CADPS2: variants seen among roughly 807,000 people sequenced by gnomAD.
CADPS2 encodes calcium-dependent secretion activator 2.
In CADPS2, 93 loss-of-function variants were observed where a neutral mutation model predicts 172.5. That is an observed-to-expected ratio of 0.54 (90% CI 0.46 to 0.64). The LOEUF is 0.64. Among genes scored for constraint, CADPS2 ranks in the 30% least tolerant of loss-of-function variants. The probability of loss-of-function intolerance (pLI) is 0.00; values close to 1 mark genes in which losing one functional copy is unlikely to be tolerated. For missense variants in CADPS2, 1,420 were observed against 1,565.9 expected (o/e 0.91, Z 1.57); for synonymous variants, 546 against 555.2 (o/e 0.98, Z 0.23).
At chr7:122,447,515 C>A (rs923739725) in intron 15 of CADPS2, among the ~76,000 whole-genome samples, 1 of 140,100 alleles carries the variant, frequency 7.1e-6, no homozygotes, top group Non-Finnish European at 1.6e-5. Flanking sequence ...ACCTTTCTCT[C>A]TCCCATGTTG....
At chr7:122,422,524 A>C (rs753921108) in intron 17 of CADPS2, among the ~76,000 whole-genome samples, 2 of 152,146 alleles carry the variant, frequency 1.3e-5, no homozygotes, top group African/African-American at 2.4e-5. Flanking sequence ...AATATAAAGC[A>C]ACATTACATT....
intron 29 of CADPS2, among the ~76,000 whole-genome samples, chr7:122,324,698 A>C (rs1399558489): frequency 2.0e-5 from 3 of 152,176 alleles, no homozygotes. Flanking sequence ...TCTTTTGTTT[A>C]AATAAATAGG....
At chr7:122,848,000 T>C (rs1345028902) in intron 1 of CADPS2, among the ~76,000 whole-genome samples, 2 of 152,244 alleles carry the variant, frequency 1.3e-5, no homozygotes, top group Non-Finnish European at 2.9e-5. Flanking sequence ...AGCAACTGCA[T>C]GGTGATTTGC....
chr7:122,360,373 C>T (rs1281117078), intron 27 of CADPS2, among the ~76,000 whole-genome samples: 1 of 152,158 alleles, frequency 6.6e-6, no homozygotes, highest in Non-Finnish European at 1.5e-5. Flanking sequence ...TTATATAACA[C>T]TTGTGTATTT....
chr7:122,476,457 G>C (rs918610668), intron 12 of CADPS2, among the ~76,000 whole-genome samples: 28 of 151,950 alleles, frequency 1.8e-4, no homozygotes, highest in African/African-American at 6.8e-4. Context: ...TCTGAAAAAC[G>C]ATCTATAGTT....
intron 24 of CADPS2, chr7:122,386,329 G>A: frequency 6.6e-6 from 9 of 1,369,944 alleles, no homozygotes; most frequent in East Asian, 5.5e-5. Context: ...GCCATGGGTG[G>A]AAAAAAAAAG....
chr7:122,777,640 A>G (rs2093925985), intron 1 of CADPS2, among the ~76,000 whole-genome samples: 1 of 152,100 alleles, frequency 6.6e-6, no homozygotes, highest in Non-Finnish European at 1.5e-5. Context: ...TGCTATTCTC[A>G]TGATAGTGAG....
rs138857083 is a variant in CADPS2 at position 122,690,314 on chromosome 7, C to G, written c.454-26745G>C. 5.0e-3 allele frequency among the ~76,000 whole-genome samples: 763 copies of G among 152,300 alleles called. 7 individuals are homozygous for G. Among genetic ancestry groups the G allele is most frequent in the African/African-American group, 0.017 (725 of 41,568 alleles). On this transcript the variant is annotated intron_variant, in intron 2 of 29. Coordinates refer to ENST00000449022, the MANE Select transcript of CADPS2 (RefSeq NM_017954.11). Reference sequence around the variant, plus strand: ...TCAGCTTTCTGTGGTTCCCTTGGGTCCTGCACCCATGCCAAAGTTACAGGG... The same window carrying G: ...TCAGCTTTCTGTGGTTCCCTTGGGTGCTGCACCCATGCCAAAGTTACAGGG...
chr7:122,715,096 T>G (rs1481022713), intron 2 of CADPS2, among the ~76,000 whole-genome samples: 1 of 152,124 alleles, frequency 6.6e-6, no homozygotes, highest in Non-Finnish European at 1.5e-5. Flanking sequence ...AACAATTCCG[T>G]TTATGGCAAT....
intron 3 of CADPS2, among the ~76,000 whole-genome samples, chr7:122,650,083 G>C (rs1293545809): frequency 6.7e-6 from 1 of 150,244 alleles, no homozygotes; most frequent in Admixed American, 6.6e-5. Flanking sequence ...TAATTTTTTT[G>C]TATTTTTAGT....
intron 20 of CADPS2, among the ~76,000 whole-genome samples, chr7:122,406,848 T>C (rs982376909): frequency 5.3e-5 from 8 of 152,132 alleles, no homozygotes; most frequent in African/African-American, 1.9e-4. Context: ...AGGTTGTCAG[T>C]GGTAACCAAA....
At chr7:122,796,590 A>G (rs767378101) in intron 1 of CADPS2, among the ~76,000 whole-genome samples, 60 of 152,220 alleles carry the variant, frequency 3.9e-4, no homozygotes, top group Non-Finnish European at 4.0e-4. Flanking sequence ...TCTTCAACAA[A>G]CCTGACAAAA....
chr7:122,661,860 A>G (rs998489630), intron 3 of CADPS2, among the ~76,000 whole-genome samples: 9 of 152,242 alleles, frequency 5.9e-5, no homozygotes, highest in African/African-American at 2.2e-4. Flanking sequence ...ATTTATTTGT[A>G]CAAGTGAGCT....
intron 7 of CADPS2, among the ~76,000 whole-genome samples, chr7:122,556,439 C>T (rs2065037207): frequency 6.6e-6 from 1 of 152,114 alleles, no homozygotes; most frequent in African/African-American, 2.4e-5. Context: ...GAGCCACTTA[C>T]AGACTTTATT....
intron 2 of CADPS2, among the ~76,000 whole-genome samples, chr7:122,713,018 C>G (rs1410404949): frequency 6.6e-6 from 1 of 152,006 alleles, no homozygotes; most frequent in Non-Finnish European, 1.5e-5. Flanking sequence ...AAAATAAATC[C>G]TGTCCCCAAG....
chr7:122,369,120 T>G, intron 25 of CADPS2, among the ~76,000 whole-genome samples: 1 of 80,122 alleles, frequency 1.2e-5, no homozygotes. Context: ...CTAGAAGAAT[T>G]TTTGTTTCCC....
At chr7:122,412,657 C>T (rs148451605) in intron 19 of CADPS2, among the ~76,000 whole-genome samples, 2 of 152,272 alleles carry the variant, frequency 1.3e-5, no homozygotes, top group Non-Finnish European at 2.9e-5. Flanking sequence ...TGGTGGATGA[C>T]ATCGTATTTA....
intron 2 of CADPS2, among the ~76,000 whole-genome samples, chr7:122,684,804 T>C (rs1745977217): frequency 6.6e-6 from 1 of 152,152 alleles, no homozygotes; most frequent in African/African-American, 2.4e-5. Context: ...AAATCCTAGG[T>C]TTATAAAACA....
intron 3 of CADPS2, among the ~76,000 whole-genome samples, chr7:122,633,563 C>G (rs920186371): frequency 3.3e-5 from 5 of 152,142 alleles, no homozygotes; most frequent in African/African-American, 1.2e-4. Context: ...TGAAACTTTA[C>G]TGAAGTCATT....
Sources: allele counts gnomAD v4.1 joint callset (sites outside exome capture counted in the v4.1 genomes callset), GRCh38; gene constraint gnomAD v4.1.1; transcripts MANE v1.5; gene names NCBI Gene and HGNC (gene_info 2026-07-23, HGNC 2026-07-21).